The following PPP2R3C variants were observed in gnomAD, a reference collection of about 807,000 sequenced individuals.
The protein encoded by PPP2R3C is protein phosphatase 2 regulatory subunit B''gamma.
In PPP2R3C, 47 loss-of-function variants were observed where a neutral mutation model predicts 63.7. The observed-to-expected ratio is 0.74, with a 90% CI of 0.58 to 0.94. PPP2R3C has a LOEUF of 0.94. Among genes scored for constraint, PPP2R3C ranks in the 40% least tolerant of loss-of-function variants. The pLI, the probability that PPP2R3C is intolerant of heterozygous loss-of-function variation, is 0.00. For missense variants in PPP2R3C, 421 were observed against 518.4 expected (o/e 0.81, Z 1.82); for synonymous variants, 180 against 177.4 (o/e 1.01, Z -0.12).
At chr14:35,118,836 TAG>T (rs913655505) in intron 1 of PPP2R3C, among the ~76,000 whole-genome samples, 4 of 151,966 alleles carry the variant, frequency 2.6e-5, no homozygotes, top group African/African-American at 9.7e-5. Flanking sequence ...GTATTTTTAG[TAG>T]AGAGAGCGTT....
intron 4 of PPP2R3C, among the ~76,000 whole-genome samples, chr14:35,109,544 T>C (rs949544441): frequency 3.9e-5 from 6 of 152,088 alleles, no homozygotes; most frequent in Non-Finnish European, 7.4e-5. Flanking sequence ...AGTGGCTTAA[T>C]CACAGCTCAT....
chr14:35,091,012 C>T, intron 11 of PPP2R3C, 58 bp downstream of exon 11: 1 of 1,491,032 alleles, frequency 6.7e-7, no homozygotes, highest in South Asian at 1.2e-5. Context: ...ACTGCACCGG[C>T]AGCAACAAAA....
rs185127769 is a variant in PPP2R3C, at chr14:35,090,978, G to T, written c.1113+92C>A. On this transcript the variant is annotated intron_variant, in intron 11 of 12. Coordinates refer to ENST00000261475, the MANE Select transcript of PPP2R3C (RefSeq NM_017917.4). ...GATCCACCTGCCTCGGCCTCCCAAA[G>T]TGCTGGGATTACAGGCGTGAGCCAC... 26 of 1,242,126 alleles carry T rather than the reference G, an allele frequency of 2.1e-5. No individual in the cohort carries two copies. The African/African-American group carries it at 2.9e-4, about 14-fold the overall frequency. 76.9% of individuals were successfully genotyped at this position (1,242,126 alleles called of 1,614,324 possible). A position where few individuals can be genotyped will look rare whatever the true frequency, so the allele number is the denominator to read the frequency against.
At chr14:35,089,349 C>G (rs1224524605) in intron 11 of PPP2R3C, among the ~76,000 whole-genome samples, 1 of 151,780 alleles carries the variant, frequency 6.6e-6, no homozygotes, top group East Asian at 1.9e-4. Context: ...AGCAACCCTC[C>G]TTCCCTGGCC....
At chr14:35,089,525 A>T (rs1445804459) in intron 11 of PPP2R3C, among the ~76,000 whole-genome samples, 1 of 151,424 alleles carries the variant, frequency 6.6e-6, no homozygotes, top group African/African-American at 2.4e-5. Flanking sequence ...CTAATTTTTT[A>T]AATTTTTTGT....
At chr14:35,119,470 T>C (rs1002325570) in intron 1 of PPP2R3C, among the ~76,000 whole-genome samples, 2 of 152,156 alleles carry the variant, frequency 1.3e-5, no homozygotes, top group African/African-American at 2.4e-5. Flanking sequence ...CTCGAGTAGC[T>C]AGGACTACAG....
chr14:35,120,946 G>A (rs1209783727), intron 1 of PPP2R3C, among the ~76,000 whole-genome samples: 1 of 150,390 alleles, frequency 6.6e-6, no homozygotes, highest in East Asian at 2.0e-4. Context: ...ATCCTGTATC[G>A]GAAAAAAAAA....
chr14:35,091,084 T>C lies in PPP2R3C; in HGVS notation c.1099A>G (p.Asn367Asp), dbSNP rs747432979. The C allele has an allele frequency of 1.2e-6, 2 of 1,603,042 alleles. No homozygotes were observed. The highest frequency in any genetic ancestry group is 1.7e-6 in the Non-Finnish European group (2 of 1,172,782). Residue 367 changes from asparagine (N) to aspartate (D), a missense_variant, in exon 11 of 13, where the codon AAT becomes GAT. Coordinates refer to ENST00000261475, the MANE Select transcript of PPP2R3C (RefSeq NM_017917.4). ...NKGYLNVFSL[N>D]YFFRAIQELM... is the part of the protein sequence containing the mutation. ...ATGAGACTTACCCTAAAGAAATAAT[T>C]AAGTGAAAAGACATTCAGGTATCCT...
chr14:35,090,237 GTTTTTTT>G (rs34745484), intron 11 of PPP2R3C, among the ~76,000 whole-genome samples: 4 of 116,900 alleles, frequency 3.4e-5, no homozygotes, highest in Non-Finnish European at 5.2e-5. Context: ...GGTAGTTGTA[GTTTTTTT>G]TTTTTTTTTT....
intron 1 of PPP2R3C, among the ~76,000 whole-genome samples, chr14:35,119,068 C>A (rs1234340784): frequency 6.8e-6 from 1 of 146,320 alleles, no homozygotes; most frequent in African/African-American, 2.5e-5. Context: ...GATGTAGTCT[C>A]GTTCTATCGC....
intron 6 of PPP2R3C, chr14:35,102,811 A>T (rs2046241491): frequency 6.6e-6 from 1 of 152,382 alleles, no homozygotes; most frequent in African/African-American, 2.4e-5. Flanking sequence ...CCCAAGCTGG[A>T]GTGCAGTGGC....
At chr14:35,111,946 C>A (rs958572859) in intron 2 of PPP2R3C, among the ~76,000 whole-genome samples, 4 of 152,206 alleles carry the variant, frequency 2.6e-5, no homozygotes, top group Admixed American at 1.3e-4. Context: ...ATTTAGCTGT[C>A]TCCATGTATA....
chr14:35,105,849 C>CT (rs879317683), intron 6 of PPP2R3C, among the ~76,000 whole-genome samples: 38 of 146,458 alleles, frequency 2.6e-4, no homozygotes, highest in South Asian at 4.3e-4. Flanking sequence ...TCTACTGTGT[C>CT]TTTTTTTTTT....
intron 2 of PPP2R3C, 133 bp downstream of exon 2, chr14:35,116,477 A>C (rs1338462839): frequency 6.6e-6 from 4 of 606,390 alleles, no homozygotes; most frequent in African/African-American, 5.8e-5. Flanking sequence ...CTGGTCTCAA[A>C]TTCCTGGACT....
chr14:35,096,077 A>T (rs2045990004), intron 9 of PPP2R3C, among the ~76,000 whole-genome samples: 1 of 152,208 alleles, frequency 6.6e-6, no homozygotes, highest in South Asian at 2.1e-4. Flanking sequence ...GCAGTGCCTC[A>T]TGCCTATAAT....
chr14:35,092,431 T>G (rs778545363), intron 10 of PPP2R3C, among the ~76,000 whole-genome samples: 1 of 152,146 alleles, frequency 6.6e-6, no homozygotes, highest in Non-Finnish European at 1.5e-5. Flanking sequence ...TGCAGTTATT[T>G]TGAAAAACAA....
intron 5 of PPP2R3C, 163 bp downstream of exon 5, chr14:35,107,976 T>C: frequency 8.9e-7 from 1 of 1,129,214 alleles, no homozygotes; most frequent in African/African-American, 1.6e-5. Context: ...TTTTGTTTTT[T>C]TATGCTAACC....
upstream of PPP2R3C, chr14:35,122,228 G>A (rs760036706): frequency 1.5e-5 from 7 of 470,078 alleles, no homozygotes; most frequent in Non-Finnish European, 2.4e-5. Context: ...TCACCAAGCC[G>A]GATTTTAAAG....
chr14:35,086,514 TGAGACA>T, intron 12 of PPP2R3C: 1 of 150,052 alleles, frequency 6.7e-6, no homozygotes, highest in East Asian at 2.0e-4. Context: ...TTTTTTTTTT[TGAGACA>T]GAGTTTCACC....
Sources: allele counts gnomAD v4.1 joint callset (sites outside exome capture counted in the v4.1 genomes callset), GRCh38; gene constraint gnomAD v4.1.1; transcripts MANE v1.5; gene names NCBI Gene and HGNC (gene_info 2026-07-23, HGNC 2026-07-21).